The following SDK1 variants were observed in gnomAD, a reference collection of about 807,000 sequenced individuals.
SDK1 encodes the protein protein sidekick-1.
A neutral mutation model predicts 245.5 loss-of-function variants in SDK1; 157 were observed. The ratio of observed to expected loss-of-function variants is 0.64; its 90% CI spans 0.56 to 0.73. The LOEUF is 0.73. SDK1 is among the 30% of genes least tolerant of loss of function. The pLI is 0.00. For synonymous variants in SDK1, 1,647 were observed against 1,278.5 expected, an observed-to-expected ratio of 1.29 and a Z score of -6.15; for missense variants, 3,583 against 3,002.3, an observed-to-expected ratio of 1.19 and a Z score of -4.52.
chr7:3,825,832 A>G (rs1160373651), intron 5 of SDK1, among the ~76,000 whole-genome samples: 6 of 152,320 alleles, frequency 3.9e-5, no homozygotes, highest in Admixed American at 3.3e-4. Context: ...AGAGAGGGGA[A>G]CAGGCAGATG....
chr7:3,665,952 A>G (rs1183732711), intron 4 of SDK1, among the ~76,000 whole-genome samples: 1 of 151,710 alleles, frequency 6.6e-6, no homozygotes, highest in Non-Finnish European at 1.5e-5. Context: ...TCTTCCCACA[A>G]TTTCTCGGTT....
intron 1 of SDK1, among the ~76,000 whole-genome samples, chr7:3,481,834 T>C (rs186158052): frequency 1.3e-5 from 2 of 152,366 alleles, no homozygotes; most frequent in Admixed American, 6.5e-5. Flanking sequence ...AAATTCCCTT[T>C]ATTAAATGCT....
chr7:3,711,340 G>T (rs1404481198), intron 4 of SDK1, among the ~76,000 whole-genome samples: 1 of 152,102 alleles, frequency 6.6e-6, no homozygotes, highest in Non-Finnish European at 1.5e-5. Flanking sequence ...CACACTTCAG[G>T]GATACATCAG....
At chr7:3,797,219 G>C (rs1778982088) in intron 4 of SDK1, among the ~76,000 whole-genome samples, 3 of 151,948 alleles carry the variant, frequency 2.0e-5, no homozygotes, top group African/African-American at 7.2e-5. Flanking sequence ...CTAGCTCCAA[G>C]CATTCCTCCT....
chr7:4,071,869 G>A (rs1780276908), intron 20 of SDK1, among the ~76,000 whole-genome samples: 1 of 152,174 alleles, frequency 6.6e-6, no homozygotes, highest in Non-Finnish European at 1.5e-5. Flanking sequence ...TTGGAAATCT[G>A]GCAGAGACTC....
chr7:3,885,643 TA>T (rs1781320363), intron 5 of SDK1, among the ~76,000 whole-genome samples: 1 of 152,168 alleles, frequency 6.6e-6, no homozygotes, highest in Non-Finnish European at 1.5e-5. Context: ...CCTAAGTTGA[TA>T]AACGCTGTGG....
intron 4 of SDK1, among the ~76,000 whole-genome samples, chr7:3,672,794 T>TATATATATATATATAA (rs1468918926): frequency 1.1e-4 from 7 of 65,578 alleles, no homozygotes; most frequent in Non-Finnish European, 1.9e-4. Context: ...TATATATATA[T>TATATATATATATATAA]AAAAAATACA....
chr7:3,581,945 G>C (rs910534996), intron 1 of SDK1, among the ~76,000 whole-genome samples: 1 of 152,212 alleles, frequency 6.6e-6, no homozygotes, highest in African/African-American at 2.4e-5. Flanking sequence ...TAAATGATGA[G>C]AACACATGGC....
intron 1 of SDK1, among the ~76,000 whole-genome samples, chr7:3,507,914 A>G (rs143860321): frequency 2.8e-4 from 42 of 152,172 alleles, no homozygotes; most frequent in Non-Finnish European, 4.6e-4. Flanking sequence ...TGACTCCCCT[A>G]TGGTTTAAAC....
Position 4,011,856 on chromosome 7 carries a change from C to G in SDK1, c.2280-239C>G, listed in dbSNP as rs57761987. On this transcript the variant is annotated intron_variant, in intron 15 of 44. Coordinates refer to ENST00000404826, the MANE Select transcript of SDK1 (RefSeq NM_152744.4). Reference sequence around the variant, plus strand: ...GGCTGAGGTGCTGGGGTTATTCACACAGAACAAAGTCACCTCCACCTTTCC... The same window carrying G: ...GGCTGAGGTGCTGGGGTTATTCACAGAGAACAAAGTCACCTCCACCTTTCC... 5.2e-3 allele frequency among the ~76,000 whole-genome samples: 797 copies of G among 152,298 alleles called. 7 individuals are homozygous for G. Among genetic ancestry groups the G allele is most frequent in the African/African-American group, 0.018 (744 of 41,558 alleles).
At chr7:4,136,105 T>G (rs958661902) in intron 28 of SDK1, among the ~76,000 whole-genome samples, 1 of 152,188 alleles carries the variant, frequency 6.6e-6, no homozygotes, top group Non-Finnish European at 1.5e-5. Context: ...CTTAAATACT[T>G]TGAGCCCTCC....
At chr7:3,428,063 TCAAGTGGGTTAATCACTGTGAGA>T (rs1315898850) in intron 1 of SDK1, among the ~76,000 whole-genome samples, 3 of 152,236 alleles carry the variant, frequency 2.0e-5, no homozygotes, top group Non-Finnish European at 4.4e-5. Flanking sequence ...TTGTAAAATG[TCAAGTGGGTTAATCACTGTGAGA>T]CATGGTGGCA....
At chr7:3,808,637 C>T (rs1332393260) in intron 4 of SDK1, among the ~76,000 whole-genome samples, 1 of 152,260 alleles carries the variant, frequency 6.6e-6, no homozygotes, top group East Asian at 1.9e-4. Context: ...AAAGAGCTCC[C>T]AGCCTTGTTG....
intron 35 of SDK1, among the ~76,000 whole-genome samples, chr7:4,182,671 A>G (rs1007484306): frequency 1.3e-5 from 2 of 152,318 alleles, no homozygotes; most frequent in African/African-American, 4.8e-5. Flanking sequence ...AGCAGATAAC[A>G]CAGTCACCAT....
chr7:3,787,881 C>T (rs529599436), intron 4 of SDK1, among the ~76,000 whole-genome samples: 20 of 152,142 alleles, frequency 1.3e-4, no homozygotes, highest in African/African-American at 4.3e-4. Context: ...ACCTCAGGAC[C>T]GCTGGAGTTT....
chr7:4,051,056 C>G (rs1219800706), intron 18 of SDK1, among the ~76,000 whole-genome samples: 2 of 137,554 alleles, frequency 1.5e-5, no homozygotes, highest in Non-Finnish European at 3.1e-5. Flanking sequence ...GTATACTATA[C>G]ATATATATGT....
intron 5 of SDK1, among the ~76,000 whole-genome samples, chr7:3,862,558 T>G (rs112926533): frequency 1.8e-4 from 27 of 152,340 alleles, no homozygotes; most frequent in African/African-American, 5.3e-4. Context: ...GCTTCCTAAT[T>G]CCTGAGTTGG....
At chr7:3,861,113 T>C (rs980140605) in intron 5 of SDK1, among the ~76,000 whole-genome samples, 8 of 151,904 alleles carry the variant, frequency 5.3e-5, no homozygotes, top group African/African-American at 1.5e-4. Context: ...CTGTGAAAAA[T>C]AGTTGCACAT....
At chr7:3,470,239 A>C (rs747416671) in intron 1 of SDK1, among the ~76,000 whole-genome samples, 1 of 152,208 alleles carries the variant, frequency 6.6e-6, no homozygotes, top group East Asian at 1.9e-4. Context: ...ACAAATATGC[A>C]CAGAATGCTT....
Sources: gnomAD v4.1 joint callset for allele counts (sites outside exome capture counted in the v4.1 genomes callset) on GRCh38, gnomAD v4.1.1 for gene constraint, MANE v1.5 for transcripts, NCBI Gene and HGNC (gene_info 2026-07-23, HGNC 2026-07-21) for gene names.